The following PHACTR1 variants were observed in gnomAD, a reference collection of about 807,000 sequenced individuals.
PHACTR1 encodes the protein phosphatase and actin regulator 1, also known as RPEL repeat containing 1.
PHACTR1 carries 16 observed loss-of-function variants against 69.2 expected under a neutral mutation model. That is an observed-to-expected ratio of 0.23 (90% CI 0.16 to 0.35). The LOEUF is 0.35. Among genes scored for constraint, PHACTR1 ranks in the 10% least tolerant of loss-of-function variants. The pLI is 1.00. For synonymous variants in PHACTR1, 312 were observed against 284.5 expected (o/e 1.10, Z -0.97); for missense variants, 510 against 734.7 (o/e 0.69, Z 3.54).
At chr6:12,832,304 G>C (rs1777671376) in intron 4 of PHACTR1, among the ~76,000 whole-genome samples, 1 of 152,114 alleles carries the variant, frequency 6.6e-6, no homozygotes. Flanking sequence ...CTAAGAGTCT[G>C]AAATGGAATT....
At chr6:12,723,488 CTTT>C (rs1180252640) in intron 3 of PHACTR1, among the ~76,000 whole-genome samples, 6 of 128,132 alleles carry the variant, frequency 4.7e-5, no homozygotes, top group Admixed American at 8.3e-5. Flanking sequence ...TTGGCCTTTT[CTTT>C]TTTTTTTTTT....
At chr6:13,089,454 G>C (rs932583280) in intron 5 of PHACTR1, among the ~76,000 whole-genome samples, 3 of 152,176 alleles carry the variant, frequency 2.0e-5, no homozygotes. Context: ...TTGGGTCTCA[G>C]TGTGCAGCCA....
At chr6:12,954,388 G>C (rs1220560152) in intron 4 of PHACTR1, among the ~76,000 whole-genome samples, 1 of 151,764 alleles carries the variant, frequency 6.6e-6, no homozygotes, top group Non-Finnish European at 1.5e-5. Flanking sequence ...ACTGAAGGCA[G>C]GGTAGAAACT....
chr6:13,140,857 T>C (rs952327869), intron 5 of PHACTR1, among the ~76,000 whole-genome samples: 1 of 152,240 alleles, frequency 6.6e-6, no homozygotes, highest in African/African-American at 2.4e-5. Context: ...ATATAATGCA[T>C]GACAGAGTCC....
rs1389480834 is a variant in PHACTR1, at chr6:13,287,742, T to A, written c.*664T>A. On this transcript the variant is annotated 3_prime_UTR_variant, in exon 15 of 15. Transcript: ENST00000332995. ...GAAGGCTGGCACTGAGCACCCATCC[T>A]GCTCCCTCTGCCTGAGCTGAGCTGC... 2 of 153,166 alleles carry A rather than the reference T, an allele frequency of 1.3e-5. No homozygotes were observed. The highest frequency in any genetic ancestry group is 2.4e-5 in the African/African-American group (1 of 41,462). 9.5% of individuals were successfully genotyped at this position (153,166 alleles called of 1,614,324 possible).
At chr6:12,977,796 T>C (rs76786741) in intron 4 of PHACTR1, among the ~76,000 whole-genome samples, 2,979 of 152,290 alleles carry the variant, frequency 0.02, 96 homozygotes, top group African/African-American at 0.065. Context: ...CTCTGTCCTG[T>C]TTCTCTCAGC....
intron 4 of PHACTR1, among the ~76,000 whole-genome samples, chr6:13,022,798 C>T (rs1360608724): frequency 6.6e-6 from 1 of 152,126 alleles, no homozygotes; most frequent in East Asian, 1.9e-4. Context: ...GGGTGGATCG[C>T]TTGAGCCCAG....
intron 4 of PHACTR1, among the ~76,000 whole-genome samples, chr6:13,004,302 A>G (rs1032058416): frequency 2.6e-5 from 4 of 151,822 alleles, no homozygotes; most frequent in Admixed American, 6.6e-5. Flanking sequence ...TTACTTTTTC[A>G]TATTAATAAT....
At chr6:12,799,071 G>A (rs1773415475) in intron 4 of PHACTR1, among the ~76,000 whole-genome samples, 1 of 152,204 alleles carries the variant, frequency 6.6e-6, no homozygotes, top group Non-Finnish European at 1.5e-5. Context: ...TAGTGAAAAG[G>A]CTAAGTGACA....
intron 7 of PHACTR1, among the ~76,000 whole-genome samples, chr6:13,198,706 C>T (rs1401017077): frequency 6.6e-6 from 1 of 152,104 alleles, no homozygotes. Flanking sequence ...TGTGTCGGGC[C>T]ACATTCAAAG....
intron 5 of PHACTR1, among the ~76,000 whole-genome samples, chr6:13,154,874 C>G (rs1289868236): frequency 6.6e-6 from 1 of 151,954 alleles, no homozygotes; most frequent in African/African-American, 2.4e-5. Context: ...TACCCAAAGC[C>G]AAAATTATTG....
intron 5 of PHACTR1, among the ~76,000 whole-genome samples, chr6:13,148,903 CA>C (rs1474240922): frequency 1.3e-5 from 2 of 152,328 alleles, no homozygotes; most frequent in East Asian, 3.9e-4. Context: ...CATTGGAATG[CA>C]GGTCTCTACT....
At chr6:13,123,129 G>T (rs1818988485) in intron 5 of PHACTR1, among the ~76,000 whole-genome samples, 2 of 152,268 alleles carry the variant, frequency 1.3e-5, no homozygotes, top group East Asian at 3.9e-4. Flanking sequence ...AAATAGCTTG[G>T]ATATGAAGAT....
chr6:12,846,065 AAAACAAAC>A (rs36100593), intron 4 of PHACTR1, among the ~76,000 whole-genome samples: 71 of 151,676 alleles, frequency 4.7e-4, no homozygotes, highest in Middle Eastern at 3.4e-3. Context: ...CATTTCTTTA[AAAACAAAC>A]AAACAAACAA....
chr6:12,755,400 T>C (rs1179441464), intron 4 of PHACTR1, among the ~76,000 whole-genome samples: 4 of 152,318 alleles, frequency 2.6e-5, no homozygotes, highest in Middle Eastern at 3.4e-3. Flanking sequence ...TCCCATTCAA[T>C]CTAAAAATAA....
At chr6:12,963,690 C>G (rs558378341) in intron 4 of PHACTR1, among the ~76,000 whole-genome samples, 1 of 151,978 alleles carries the variant, frequency 6.6e-6, no homozygotes, top group East Asian at 1.9e-4. Context: ...GACAGACTTA[C>G]CCTCTACCAG....
chr6:13,089,822 A>G (rs1431088566), intron 5 of PHACTR1, among the ~76,000 whole-genome samples: 1 of 152,208 alleles, frequency 6.6e-6, no homozygotes, highest in African/African-American at 2.4e-5. Context: ...CGGTAACCAC[A>G]GTGGAACAAA....
At chr6:12,793,964 G>A (rs776260353) in intron 4 of PHACTR1, among the ~76,000 whole-genome samples, 1 of 152,172 alleles carries the variant, frequency 6.6e-6, no homozygotes, top group South Asian at 2.1e-4. Context: ...CAGGCACTCC[G>A]CTAAGTCCTG....
At chr6:13,232,816 A>G (rs543960927) in intron 10 of PHACTR1, among the ~76,000 whole-genome samples, 1 of 152,294 alleles carries the variant, frequency 6.6e-6, no homozygotes, top group Admixed American at 6.5e-5. Flanking sequence ...AAGTTTACAC[A>G]TTATCCTCTA....
Sources: allele counts gnomAD v4.1 joint callset (sites outside exome capture counted in the v4.1 genomes callset), GRCh38; gene constraint gnomAD v4.1.1; transcripts MANE v1.5; gene names NCBI Gene and HGNC (gene_info 2026-07-23, HGNC 2026-07-21).